The following XRCC4 variants were observed in gnomAD, a reference collection of about 807,000 sequenced individuals.
The protein encoded by XRCC4 is DNA repair protein XRCC4.
A neutral mutation model predicts 39.1 loss-of-function variants in XRCC4; 28 were observed. The ratio of observed to expected loss-of-function variants is 0.72; its 90% confidence interval spans 0.53 to 0.98. The LOEUF (loss-of-function observed/expected upper bound fraction) is 0.98, where lower values mean the gene tolerates loss of function less well. XRCC4 is among the 50% of genes least tolerant of loss of function. The pLI, the probability that XRCC4 is intolerant of heterozygous loss-of-function variation, is 0.00. For missense variants in XRCC4, 350 were observed against 376.4 expected, an observed-to-expected ratio of 0.93 and a Z score of 0.58; for synonymous variants, 123 against 126.4, an observed-to-expected ratio of 0.97 and a Z score of 0.18.
chr5:83,112,463 T>G lies in XRCC4; in HGVS notation c.315+1260T>G, dbSNP rs10044917. Among the ~76,000 whole-genome samples, 466 of 152,314 alleles carry G rather than the reference T, an allele frequency of 3.1e-3. 2 individuals are homozygous for G. Among genetic ancestry groups the G allele is most frequent in the African/African-American group, 0.011 (443 of 41,560 alleles). On this transcript the variant is annotated intron_variant, in intron 3 of 7. Coordinates refer to ENST00000396027, the MANE Select transcript of XRCC4 (RefSeq NM_003401.5). The stretch of plus-strand genomic sequence containing the variant: ...TAGTTTTTATCTGTTTCACACATAT[T>G]GATACATAATAAATTCCAAATTAGT...
intron 3 of XRCC4, among the ~76,000 whole-genome samples, chr5:83,181,325 T>C (rs4541638): frequency 0.46 from 69,245 of 151,788 alleles, 16,254 homozygotes; most frequent in South Asian, 0.52. Context: ...AGGTATATAG[T>C]GAACATTTCC....
intron 7 of XRCC4, among the ~76,000 whole-genome samples, chr5:83,277,404 C>T (rs1754372275): frequency 6.6e-6 from 1 of 152,218 alleles, no homozygotes; most frequent in Middle Eastern, 3.2e-3. Flanking sequence ...GCCCTGTCAT[C>T]CTGGATCCTG....
At chr5:83,306,898 G>C (rs527352077) in intron 7 of XRCC4, among the ~76,000 whole-genome samples, 2 of 152,306 alleles carry the variant, frequency 1.3e-5, no homozygotes, top group African/African-American at 4.8e-5. Flanking sequence ...GAAAGAAAAG[G>C]GGGGAACAGA....
At chr5:83,147,694 T>C (rs1282460356) in intron 3 of XRCC4, among the ~76,000 whole-genome samples, 2 of 23,092 alleles carry the variant, frequency 8.7e-5, no homozygotes, top group East Asian at 3.9e-3. Context: ...TAAGAGTAGA[T>C]TTTAAAGTGT....
chr5:83,353,178 C>G lies in XRCC4; in HGVS notation c.941C>G (p.Ala314Gly), dbSNP rs934621506. Reference protein sequence around the residue: ...PETSKKEHISAENMSLETLRN... With the variant: ...PETSKKEHISGENMSLETLRN... ...ACGTCTAAAAAGGAGCACATCTCAG[C>G]TGAAAACATGTCTTTAGAAACTCTG... The change falls in exon 8 of 8, where the codon GCT becomes GGT. Residue 314 changes from alanine to glycine, a missense_variant. Physicochemically the swap from Ala to Gly is moderately conservative, Grantham distance 60 (BLOSUM62 0). Coordinates refer to ENST00000396027, the MANE Select transcript of XRCC4 (RefSeq NM_003401.5). The G allele has an allele frequency of 3.7e-6, 6 of 1,612,554 alleles. No individual in the cohort carries two copies. The highest frequency in any genetic ancestry group is 1.3e-5 in the African/African-American group (1 of 74,834).
At chr5:83,362,959 G>A in the XRCC4 span, among the ~76,000 whole-genome samples, 1 of 152,184 alleles carries the variant, frequency 6.6e-6, no homozygotes, top group Admixed American at 6.5e-5. Flanking sequence ...TGCCAGGCAC[G>A]CTGCTAGGCA....
chr5:83,113,000 C>T (rs1235992147), intron 3 of XRCC4, among the ~76,000 whole-genome samples: 1 of 152,144 alleles, frequency 6.6e-6, no homozygotes, highest in Non-Finnish European at 1.5e-5. Context: ...CAAGAGTCCC[C>T]CAGAGTCTTA....
chr5:83,276,099 A>G (rs1196791366), intron 7 of XRCC4, among the ~76,000 whole-genome samples: 1 of 152,198 alleles, frequency 6.6e-6, no homozygotes, highest in Non-Finnish European at 1.5e-5. Flanking sequence ...CATTCAGTAG[A>G]AACTCTACTT....
intron 3 of XRCC4, among the ~76,000 whole-genome samples, chr5:83,121,950 T>C (rs1747031038): frequency 6.6e-6 from 1 of 152,188 alleles, no homozygotes; most frequent in African/African-American, 2.4e-5. Context: ...CCCTGCTGAA[T>C]TTTTCTTGCA....
At chr5:83,240,690 G>A (rs1039335757) in intron 6 of XRCC4, among the ~76,000 whole-genome samples, 4 of 152,134 alleles carry the variant, frequency 2.6e-5, no homozygotes, top group African/African-American at 9.7e-5. Context: ...GGTAGGTTCT[G>A]TATTCTTGTG....
chr5:83,338,923 G>A (rs1023688174), intron 7 of XRCC4, among the ~76,000 whole-genome samples: 1 of 152,102 alleles, frequency 6.6e-6, no homozygotes, highest in Non-Finnish European at 1.5e-5. Flanking sequence ...GTTCAGTAGT[G>A]ACATATAACT....
rs748536020 is a variant in XRCC4 at position 83,104,912 on chromosome 5, A to G, written c.-8A>G. On this transcript the variant is annotated splice_region_variant and 5_prime_UTR_variant, in exon 2 of 8. Transcript: ENST00000396027. The stretch of plus-strand genomic sequence containing the variant: ...TTAATTGTATTCTCCCATTACAGGT[A>G]TTAAGAAATGGAGAGAAAAATAAGC... The G allele has an allele frequency of 6.2e-6, 10 of 1,611,734 alleles. No homozygotes were observed. In the African/African-American group the frequency reaches 1.2e-4, roughly 19 times the overall value.
chr5:83,178,725 G>A (rs373776061), intron 3 of XRCC4, among the ~76,000 whole-genome samples: 10 of 152,246 alleles, frequency 6.6e-5, no homozygotes, highest in Admixed American at 1.3e-4. Context: ...AAGGAAAAAT[G>A]TACCAAAGTA....
At chr5:83,144,466 A>G (rs897263319) in intron 3 of XRCC4, among the ~76,000 whole-genome samples, 1 of 151,720 alleles carries the variant, frequency 6.6e-6, no homozygotes, top group Non-Finnish European at 1.5e-5. Flanking sequence ...ATACCCATGC[A>G]TGCATATACC....
chr5:83,304,047 A>G (rs1755390351), intron 7 of XRCC4, among the ~76,000 whole-genome samples: 1 of 152,156 alleles, frequency 6.6e-6, no homozygotes, highest in Non-Finnish European at 1.5e-5. Flanking sequence ...TGACATAAGT[A>G]AATTTTTTAA....
chr5:83,140,237 G>T (rs1748100989), intron 3 of XRCC4, among the ~76,000 whole-genome samples: 1 of 152,186 alleles, frequency 6.6e-6, no homozygotes. Context: ...TAGTGGCTCA[G>T]ACTCAGTCCA....
intron 7 of XRCC4, among the ~76,000 whole-genome samples, chr5:83,288,825 C>A (rs1295348811): frequency 6.6e-6 from 1 of 151,634 alleles, no homozygotes; most frequent in African/African-American, 2.4e-5. Context: ...TTGTGACTGG[C>A]ATTATTTTTA....
At chr5:83,364,808 C>A in the XRCC4 span, among the ~76,000 whole-genome samples, 4 of 152,222 alleles carry the variant, frequency 2.6e-5, no homozygotes, top group Non-Finnish European at 4.4e-5. Flanking sequence ...CAAAGCAGGA[C>A]GCTGACTTTG....
intron 1 of XRCC4, among the ~76,000 whole-genome samples, chr5:83,091,575 CA>C (rs1383904557): frequency 1.1e-4 from 17 of 152,176 alleles, no homozygotes; most frequent in South Asian, 6.2e-4. Context: ...TCTGTGAGTT[CA>C]ATTAATTTAG....
Sources: gnomAD v4.1 joint callset for allele counts (sites outside exome capture counted in the v4.1 genomes callset) on GRCh38, gnomAD v4.1.1 for gene constraint, MANE v1.5 for transcripts, NCBI Gene and HGNC (gene_info 2026-07-23, HGNC 2026-07-21) for gene names.